Variants in TYRO3 observed in about 807,000 individuals in gnomAD.
TYRO3 encodes the protein tyrosine-protein kinase receptor TYRO3.
TYRO3 carries 38 observed loss-of-function variants against 95.2 expected under a neutral mutation model. That is an observed-to-expected ratio of 0.40 (90% CI 0.31 to 0.52). The LOEUF (loss-of-function observed/expected upper bound fraction) is 0.52. Among genes scored for constraint, TYRO3 ranks in the 20% least tolerant of loss-of-function variants. TYRO3 has a pLI of 0.56. For synonymous variants in TYRO3, 367 were observed against 432.9 expected, an observed-to-expected ratio of 0.85 and a Z score of 1.89; for missense variants, 812 against 1,116.4, an observed-to-expected ratio of 0.73 and a Z score of 3.89.
At chr15:41,572,680 G>A in intron 15 of TYRO3, 116 bp downstream of exon 15, 1 of 1,288,412 alleles carries the variant, frequency 7.8e-7, no homozygotes, top group Non-Finnish European at 1.1e-6. Context: ...GAGCTGGGTG[G>A]GAGTAGGAGG....
rs967860735 is a variant in TYRO3, at chr15:41,580,444, G to C, written c.*2168G>C. 1 of 152,106 alleles carries C rather than the reference G, an allele frequency of 6.6e-6. No individual in the cohort carries two copies. The highest frequency in any genetic ancestry group is 2.4e-5 in the African/African-American group (1 of 41,408). The allele number at this position is 152,106 out of a possible 1,614,324, so 9.4% of individuals were successfully genotyped here. A position where few individuals can be genotyped will look rare whatever the true frequency, so the allele number is the denominator to read the frequency against. ...GAATTGCTTGAACTCAGGAGGCGGA[G>C]GTTGCAGTGAGTCGAGATCCCGGCA... On this transcript the variant is annotated 3_prime_UTR_variant, in exon 19 of 19. Coordinates refer to ENST00000263798, the MANE Select transcript of TYRO3 (RefSeq NM_006293.4).
At chr15:41,565,416 TC>T (rs2055709173) in intron 6 of TYRO3, among the ~76,000 whole-genome samples, 1 of 151,602 alleles carries the variant, frequency 6.6e-6, no homozygotes, top group Non-Finnish European at 1.5e-5. Flanking sequence ...TTTCTTTCTT[TC>T]TTTTTTTTTT....
chr15:41,560,428 T>TGTGC lies in TYRO3; in HGVS notation c.125-698_125-697insTGCG, dbSNP rs1408766845. On this transcript the variant is annotated intron_variant, in intron 1 of 18. Transcript: ENST00000263798. Reference sequence around the variant, plus strand: ...GTGTGTGTGTGTGTGTGTGTGTGTGTGCGCGCGCGCGCGCGCGCTCGCACG... The same window carrying TGTGC: ...GTGTGTGTGTGTGTGTGTGTGTGTGTGTGCGCGCGCGCGCGCGCGCGCTCGCACG... Among the ~76,000 whole-genome samples, 1,281 of 135,276 alleles carry TGTGC rather than the reference T, an allele frequency of 9.5e-3. 22 individuals carry two copies. Among genetic ancestry groups the TGTGC allele is most frequent in the African/African-American group, 0.03 (1,011 of 33,550 alleles). The allele number at this position is 135,276 out of a possible 152,430, so 88.7% of individuals were successfully genotyped here.
intron 3 of TYRO3, 113 bp downstream of exon 3, chr15:41,561,752 G>T (rs1312304549): frequency 2.6e-6 from 2 of 757,672 alleles, no homozygotes; most frequent in African/African-American, 3.6e-5. Flanking sequence ...ACTGCTCTGT[G>T]GGGCCTGGTT....
chr15:41,562,375 A>G (rs2055668191), intron 3 of TYRO3, 173 bp from the exon 4 acceptor site: 2 of 501,876 alleles, frequency 4.0e-6, no homozygotes, highest in Middle Eastern at 5.5e-4. Flanking sequence ...AGCCTGAAAA[A>G]GAGAAGCACC....
In TYRO3 at chr15:41,570,473, G is replaced by A. The variant is rs1192705892; in HGVS notation, c.1484-131G>A. ...CCAGGCACACAAATCTGCCTGTGTG[G>A]AGTTCACCACCCCAGCCGTGGGAGA... On this transcript the variant is annotated intron_variant, in intron 11 of 18. Transcript: ENST00000263798. 3.6e-6 allele frequency: 5 copies of A among 1,374,528 alleles called. No homozygotes were observed. The East Asian group carries it at 9.2e-5, about 25-fold the overall frequency. 85.1% of individuals were successfully genotyped at this position (1,374,528 alleles called of 1,614,324 possible).
intron 5 of TYRO3, chr15:41,564,747 G>A: frequency 4.5e-6 from 2 of 449,100 alleles, no homozygotes; most frequent in Non-Finnish European, 4.1e-6. Flanking sequence ...CTGAGGTGCT[G>A]CCCCCACATA....
chr15:41,574,098 G>T (rs574340970), intron 18 of TYRO3, among the ~76,000 whole-genome samples: 1 of 152,310 alleles, frequency 6.6e-6, no homozygotes, highest in African/African-American at 2.4e-5. Flanking sequence ...AAGGCACAGT[G>T]CTGAGTAACA....
chr15:41,565,582 C>CT (rs71104798), intron 6 of TYRO3, among the ~76,000 whole-genome samples: 63,895 of 133,162 alleles, frequency 0.48, 16,159 homozygotes, highest in East Asian at 0.8. Context: ...GCCCAGCTAA[C>CT]TTTTTTTTTT....
rs2055888964 is a variant in TYRO3 at position 41,578,500 on chromosome 15, G to A, written c.*224G>A. The A allele has an allele frequency of 1.6e-6, 1 of 630,254 alleles. No individual in the cohort carries two copies. Among genetic ancestry groups the A allele is most frequent in the African/African-American group, 1.9e-5 (1 of 53,950 alleles). The allele number at this position is 630,254 out of a possible 1,614,324, so 39.0% of individuals were successfully genotyped here. ...GCATCAGTTTAGGCCTTGGCTTGATGGAAGTGGGCCAGTCCTGGTTGTCTG... is the reference window on the plus strand; with the variant it reads ...GCATCAGTTTAGGCCTTGGCTTGATAGAAGTGGGCCAGTCCTGGTTGTCTG... On this transcript the variant is annotated 3_prime_UTR_variant, in exon 19 of 19. Transcript: ENST00000263798.
chr15:41,573,131 C>G lies in TYRO3; in HGVS notation c.1985+20C>G, dbSNP rs199869325. ...TTGCATGTACGAATTCTGGAGGACT[C>G]GAGGGTGGGAGACAGCAGCAGGTGC... On this transcript the variant is annotated intron_variant, in intron 16 of 18. Coordinates refer to ENST00000263798, the MANE Select transcript of TYRO3 (RefSeq NM_006293.4). The G allele has an allele frequency of 2.0e-6, 2 of 1,003,104 alleles. No homozygotes were observed. The highest frequency in any genetic ancestry group is 2.2e-5 in the Admixed American group (1 of 45,280). The allele number at this position is 1,003,104 out of a possible 1,614,324, so 62.1% of individuals were successfully genotyped here.
intron 1 of TYRO3, among the ~76,000 whole-genome samples, chr15:41,559,635 T>C (rs984935026): frequency 1.3e-5 from 2 of 152,016 alleles, no homozygotes; most frequent in Non-Finnish European, 2.9e-5. Flanking sequence ...GTGTGGGCTG[T>C]GTGGTCAGCG....
In TYRO3 at chr15:41,573,368, T is replaced by C. The variant is rs1392577038; in HGVS notation, c.2046T>C (p.Ser682=). The part of the protein sequence containing the change: ...ADFGLSRKIY[S]GDYYRQGCAS... ...TCGGACTCTCCCGGAAGATCTACAG[T>C]GGGGACTACTATCGTCAAGGCTGTG... Residue 682 remains serine, a synonymous_variant, in exon 17 of 19, where the codon AGT becomes AGC. Coordinates refer to ENST00000263798, the MANE Select transcript of TYRO3 (RefSeq NM_006293.4). The C allele has an allele frequency of 1.9e-6, 3 of 1,614,218 alleles. No homozygotes were observed. Among genetic ancestry groups the C allele is most frequent in the Non-Finnish European group, 2.5e-6 (3 of 1,180,048 alleles).
intron 6 of TYRO3, among the ~76,000 whole-genome samples, chr15:41,566,730 G>A (rs188004843): frequency 2.6e-5 from 4 of 152,328 alleles, no homozygotes; most frequent in Admixed American, 6.5e-5. Flanking sequence ...ATTCTGACTC[G>A]GGACTCCAGG....
chr15:41,572,605 G>C (rs775376838), intron 15 of TYRO3, 41 bp downstream of exon 15: 1 of 1,334,822 alleles, frequency 7.5e-7, no homozygotes, highest in East Asian at 2.3e-5. Context: ...GAAACGGGTG[G>C]GAACACAGGG....
intron 1 of TYRO3, 70 bp downstream of exon 1, chr15:41,559,451 G>A: frequency 7.3e-6 from 2 of 275,688 alleles, no homozygotes; most frequent in Admixed American, 5.3e-5. Context: ...GTCGGAGCCC[G>A]GGGCGGGCCT....
At chr15:41,563,329 C>A (rs965951687) in intron 4 of TYRO3, among the ~76,000 whole-genome samples, 1 of 152,132 alleles carries the variant, frequency 6.6e-6, no homozygotes, top group Non-Finnish European at 1.5e-5. Context: ...GTAAGGCTTG[C>A]TTATTTGTGA....
In TYRO3 at chr15:41,560,265, C is replaced by T. The variant is rs533766753; in HGVS notation, c.125-862C>T. On this transcript the variant is annotated intron_variant, in intron 1 of 18. Coordinates refer to ENST00000263798, the MANE Select transcript of TYRO3 (RefSeq NM_006293.4). Reference sequence around the variant, plus strand: ...GGTGCGGACCTGATGCTCAGGGAGCCCACGACTTTGCCTAGAGTCACACAG... The same window carrying T: ...GGTGCGGACCTGATGCTCAGGGAGCTCACGACTTTGCCTAGAGTCACACAG... 2.0e-5 allele frequency among the ~76,000 whole-genome samples: 3 copies of T among 152,222 alleles called. No homozygotes were observed. The East Asian group carries it at 5.8e-4, about 29-fold the overall frequency.
At chr15:41,561,813 T>G in intron 3 of TYRO3, 174 bp downstream of exon 3, 2 of 503,364 alleles carry the variant, frequency 4.0e-6, no homozygotes, top group Non-Finnish European at 7.0e-6. Flanking sequence ...CCAGTTGGAG[T>G]TGGGTATCTG....
Sources: gnomAD v4.1 joint callset for allele counts (sites outside exome capture counted in the v4.1 genomes callset) on GRCh38, gnomAD v4.1.1 for gene constraint, MANE v1.5 for transcripts, NCBI Gene and HGNC (gene_info 2026-07-23, HGNC 2026-07-21) for gene names.